MAJIN: variants seen among roughly 807,000 people sequenced by gnomAD.
MAJIN encodes membrane-anchored junction protein.
In MAJIN, 27 loss-of-function variants were observed where a neutral mutation model predicts 30.2. The observed-to-expected ratio is 0.89, with a 90% confidence interval of 0.66 to 1.23. The LOEUF (loss-of-function observed/expected upper bound fraction) is 1.23. Ranked by LOEUF, MAJIN falls within the 50% of genes most tolerant of loss-of-function variation. The pLI is 0.00. For missense variants in MAJIN, 253 were observed against 260.3 expected, an observed-to-expected ratio of 0.97 and a Z score of 0.19; for synonymous variants, 78 against 91.6, an observed-to-expected ratio of 0.85 and a Z score of 0.85.
At position 64,959,336 on chromosome 11, in the gene MAJIN, T is replaced by C. The variant is rs368431514; in HGVS notation, c.70A>G (p.Lys24Glu). 2 of 1,613,972 alleles carry C rather than the reference T, an allele frequency of 1.2e-6. No homozygotes were observed. Among genetic ancestry groups the C allele is most frequent in the Non-Finnish European group, 1.7e-6 (2 of 1,179,888 alleles). Residue 24 changes from lysine to glutamate, a missense_variant, in exon 3 of 11, where the codon AAA (lysine) becomes GAA (glutamate). Physicochemically the swap from Lys to Glu is moderately conservative, Grantham distance 56. Transcript: ENST00000301896. The part of the protein sequence containing the change: ...RFLHAGPNVY[K>E]FKIRYGKSIR... ...CTCTTCCCATATCTGATTTTGAATT[T>C]ATACACATTGGGTCCTGCATGAAGA...
chr11:64,970,718 G>A (rs1482695518), intron 1 of MAJIN, among the ~76,000 whole-genome samples: 2 of 152,002 alleles, frequency 1.3e-5, no homozygotes, highest in African/African-American at 4.8e-5. Flanking sequence ...AAGGATGTTC[G>A]GCAAAGTATA....
intron 4 of MAJIN, among the ~76,000 whole-genome samples, chr11:64,952,586 T>C (rs539850030): frequency 2.0e-5 from 3 of 152,200 alleles, no homozygotes; most frequent in African/African-American, 7.2e-5. Context: ...CAAAGAGAGG[T>C]GAAAAAATGT....
intron 1 of MAJIN, among the ~76,000 whole-genome samples, chr11:64,968,109 TGAGAATGAAGA>T (rs1945840679): frequency 6.6e-6 from 1 of 151,876 alleles, no homozygotes; most frequent in African/African-American, 2.4e-5. Context: ...GCTAGAACAT[TGAGAATGAAGA>T]GAGAGAGGAG....
intron 3 of MAJIN, among the ~76,000 whole-genome samples, chr11:64,956,858 C>G (rs1945643565): frequency 1.3e-5 from 2 of 151,186 alleles, no homozygotes; most frequent in Middle Eastern, 3.4e-3. Flanking sequence ...CCTCCGCCTC[C>G]CGGGTTCAAG....
chr11:64,970,011 AC>A, intron 1 of MAJIN, among the ~76,000 whole-genome samples: 1 of 152,196 alleles, frequency 6.6e-6, no homozygotes, highest in East Asian at 1.9e-4. Context: ...TCTAGATAAG[AC>A]TGCTGGAAAC....
At chr11:64,965,166 G>A (rs192715465) in intron 1 of MAJIN, among the ~76,000 whole-genome samples, 1 of 152,138 alleles carries the variant, frequency 6.6e-6, no homozygotes, top group African/African-American at 2.4e-5. Flanking sequence ...ACATCATTCT[G>A]TTTTCTCATA....
At chr11:64,961,798 T>C (rs1448899209) in intron 1 of MAJIN, among the ~76,000 whole-genome samples, 1 of 150,388 alleles carries the variant, frequency 6.6e-6, no homozygotes, top group Admixed American at 6.6e-5. Context: ...TTTCTTTTTT[T>C]TTTTTTAAGA....
chr11:64,949,656 T>C (rs2136754739), intron 6 of MAJIN, 87 bp downstream of exon 6: 14 of 1,516,698 alleles, frequency 9.2e-6, no homozygotes, highest in Non-Finnish European at 1.2e-5. Flanking sequence ...GGCTGGAGCC[T>C]AATCTGGTAG....
intron 8 of MAJIN, among the ~76,000 whole-genome samples, chr11:64,943,204 A>T (rs1342593141): frequency 2.0e-5 from 3 of 152,118 alleles, no homozygotes; most frequent in Non-Finnish European, 2.9e-5. Context: ...ATAGCAAAAC[A>T]ACAACAACAA....
chr11:64,965,712 T>C (rs945500485), intron 1 of MAJIN, among the ~76,000 whole-genome samples: 1 of 152,076 alleles, frequency 6.6e-6, no homozygotes, highest in African/African-American at 2.4e-5. Flanking sequence ...ATCCCAGCAC[T>C]TTGGGAGGCC....
chr11:64,946,477 C>T (rs1246862087), intron 8 of MAJIN, among the ~76,000 whole-genome samples: 3 of 152,274 alleles, frequency 2.0e-5, no homozygotes, highest in African/African-American at 4.8e-5. Context: ...AAAATTCAGT[C>T]GAATGGAACA....
intron 8 of MAJIN, among the ~76,000 whole-genome samples, chr11:64,945,315 A>C (rs1945435690): frequency 6.6e-6 from 1 of 151,862 alleles, no homozygotes; most frequent in South Asian, 2.1e-4. Flanking sequence ...CCGAGATCGC[A>C]CCACTGCACT....
intron 1 of MAJIN, among the ~76,000 whole-genome samples, chr11:64,965,555 A>G (rs1945792918): frequency 6.6e-6 from 1 of 152,222 alleles, no homozygotes; most frequent in South Asian, 2.1e-4. Flanking sequence ...ACCTTTGGCC[A>G]AAAGGTCCAG....
intron 6 of MAJIN, 142 bp downstream of exon 6, chr11:64,949,601 G>A (rs1029555818): frequency 2.9e-5 from 30 of 1,019,708 alleles, no homozygotes; most frequent in African/African-American, 4.8e-5. Flanking sequence ...TATTTGAACC[G>A]GTCAGTCTGG....
chr11:64,938,717 A>G, intron 10 of MAJIN, 144 bp from the exon 11 acceptor site: 3 of 861,694 alleles, frequency 3.5e-6, no homozygotes, highest in Non-Finnish European at 1.8e-6. Flanking sequence ...GCATTTGAAA[A>G]GGTACCCAAA....
At chr11:64,944,948 T>G (rs1358415903) in intron 8 of MAJIN, among the ~76,000 whole-genome samples, 1 of 152,204 alleles carries the variant, frequency 6.6e-6, no homozygotes, top group African/African-American at 2.4e-5. Flanking sequence ...AATATCTAAA[T>G]GGGAAACATA....
chr11:64,959,279 G>T, intron 3 of MAJIN, 26 bp downstream of exon 3: 2 of 1,581,116 alleles, frequency 1.3e-6, no homozygotes, highest in Non-Finnish European at 1.7e-6. Flanking sequence ...TGTTTGCATA[G>T]GCTACCCTCC....
chr11:64,951,881 G>C (rs1258052480), intron 4 of MAJIN, among the ~76,000 whole-genome samples: 2 of 151,862 alleles, frequency 1.3e-5, no homozygotes, highest in Non-Finnish European at 2.9e-5. Flanking sequence ...ATTACTATGG[G>C]AAGTGTTACT....
chr11:64,948,750 G>A lies in MAJIN; in HGVS notation c.350-931C>T, dbSNP rs555168018. ...CAGCTCACTGCAATCTCTGCCTCCC[G>A]GGTTCAAGCGATTCTTCTGTTTCAG... On this transcript the variant is annotated intron_variant, in intron 6 of 10. Coordinates refer to ENST00000301896, the MANE Select transcript of MAJIN (RefSeq NM_001037225.3). Among the ~76,000 whole-genome samples, 305 of 136,216 alleles carry A rather than the reference G, an allele frequency of 2.2e-3. 2 individuals are homozygous for A. Among genetic ancestry groups the A allele is most frequent in the Non-Finnish European group, 3.8e-3 (243 of 64,754 alleles). 89.4% of individuals were successfully genotyped at this position (136,216 alleles called of 152,430 possible).
Sources: gnomAD v4.1 joint callset for allele counts (sites outside exome capture counted in the v4.1 genomes callset) on GRCh38, gnomAD v4.1.1 for gene constraint, MANE v1.5 for transcripts, NCBI Gene and HGNC (gene_info 2026-07-23, HGNC 2026-07-21) for gene names.